PPIL6: variants seen among roughly 807,000 people sequenced by gnomAD.
PPIL6 encodes peptidylprolyl isomerase like 6.
A neutral mutation model predicts 36.8 loss-of-function variants in PPIL6; 39 were observed. The observed-to-expected ratio is 1.06, with a 90% CI of 0.82 to 1.38. PPIL6 has a LOEUF of 1.38. PPIL6 is among the 40% of genes most tolerant of loss of function. The pLI is 0.00. For missense variants in PPIL6, 368 were observed against 379.1 expected, an observed-to-expected ratio of 0.97 and a Z score of 0.24; for synonymous variants, 123 against 134.1, an observed-to-expected ratio of 0.92 and a Z score of 0.57.
intron 6 of PPIL6, among the ~76,000 whole-genome samples, chr6:109,409,193 G>A (rs554894414): frequency 5.8e-4 from 88 of 152,150 alleles, no homozygotes; most frequent in Non-Finnish European, 1.2e-4. Context: ...TCAAAAGACT[G>A]GGTATAGTTC....
At chr6:109,430,886 T>C (rs1774103821) in intron 3 of PPIL6, among the ~76,000 whole-genome samples, 1 of 152,202 alleles carries the variant, frequency 6.6e-6, no homozygotes, top group Non-Finnish European at 1.5e-5. Context: ...CTTTATATTT[T>C]AAAATAGGTA....
chr6:109,400,213 T>C (rs2115199892), intron 6 of PPIL6, 43 bp from the exon 7 acceptor site: 2 of 1,526,662 alleles, frequency 1.3e-6, no homozygotes, highest in East Asian at 4.5e-5. Context: ...ACATTTCTAT[T>C]ATCTCAATTT....
chr6:109,416,971 C>T (rs945773012), intron 6 of PPIL6, among the ~76,000 whole-genome samples: 1 of 151,922 alleles, frequency 6.6e-6, no homozygotes, highest in Non-Finnish European at 1.5e-5. Context: ...AGTTGGAGAC[C>T]AGCTTGGACA....
intron 2 of PPIL6, among the ~76,000 whole-genome samples, chr6:109,434,053 C>T (rs1242625695): frequency 6.6e-6 from 1 of 151,996 alleles, no homozygotes; most frequent in Non-Finnish European, 1.5e-5. Context: ...GACAGTTTTC[C>T]TGTGGGTGGA....
intron 3 of PPIL6, among the ~76,000 whole-genome samples, 157 bp from the exon 4 acceptor site, chr6:109,427,313 G>A (rs972924303): frequency 1.3e-5 from 2 of 152,110 alleles, no homozygotes; most frequent in African/African-American, 2.4e-5. Context: ...TGAATGACTT[G>A]TATTAGTTTA....
chr6:109,405,892 T>A (rs1772780124), intron 6 of PPIL6, among the ~76,000 whole-genome samples: 1 of 152,208 alleles, frequency 6.6e-6, no homozygotes, highest in African/African-American at 2.4e-5. Flanking sequence ...TTCGTGACCA[T>A]TTAACATATG....
At chr6:109,399,773 C>A (rs117115806) in intron 7 of PPIL6, among the ~76,000 whole-genome samples, 1 of 152,120 alleles carries the variant, frequency 6.6e-6, no homozygotes, top group Non-Finnish European at 1.5e-5. Flanking sequence ...AACTCCTGGG[C>A]TCAAGCAATC....
At chr6:109,416,848 G>C (rs1773285385) in intron 6 of PPIL6, among the ~76,000 whole-genome samples, 1 of 151,996 alleles carries the variant, frequency 6.6e-6, no homozygotes, top group Admixed American at 6.6e-5. Context: ...CCACATAAAA[G>C]CTGCATTTTC....
chr6:109,425,335 T>G (rs1385557264), intron 5 of PPIL6, among the ~76,000 whole-genome samples: 1 of 152,224 alleles, frequency 6.6e-6, no homozygotes, highest in African/African-American at 2.4e-5. Context: ...TGCACTTTAC[T>G]ATTTGGAAAT....
At chr6:109,421,225 G>A (rs1019817940) in intron 5 of PPIL6, among the ~76,000 whole-genome samples, 2 of 152,028 alleles carry the variant, frequency 1.3e-5, no homozygotes, top group Admixed American at 6.6e-5. Flanking sequence ...ATTTCAATCC[G>A]TATTTACTAT....
chr6:109,404,881 G>A (rs987140407), intron 6 of PPIL6: 3 of 194,556 alleles, frequency 1.5e-5, no homozygotes, highest in South Asian at 6.3e-5. Context: ...GTGAAACCCC[G>A]TCTCTACTAA....
At chr6:109,430,768 C>T (rs1287544886) in intron 3 of PPIL6, among the ~76,000 whole-genome samples, 1 of 152,184 alleles carries the variant, frequency 6.6e-6, no homozygotes, top group Non-Finnish European at 1.5e-5. Flanking sequence ...AACAACTTTC[C>T]ATTCTCTTAG....
At chr6:109,394,588 GC>G (rs1772222184) in intron 7 of PPIL6, among the ~76,000 whole-genome samples, 2 of 152,100 alleles carry the variant, frequency 1.3e-5, no homozygotes, top group Admixed American at 1.3e-4. Context: ...CATCTCATGA[GC>G]CTTTATAGGA....
intron 2 of PPIL6, among the ~76,000 whole-genome samples, chr6:109,435,296 C>CTTT (rs911840164): frequency 3.0e-5 from 4 of 131,942 alleles, no homozygotes; most frequent in Non-Finnish European, 4.9e-5. Flanking sequence ...AAATGTTGCA[C>CTTT]TTTTTTTTTT....
intron 3 of PPIL6, 41 bp from the exon 4 acceptor site, chr6:109,427,197 C>A: frequency 1.3e-6 from 2 of 1,488,252 alleles, no homozygotes; most frequent in South Asian, 1.2e-5. Context: ...AGGTCAAAGT[C>A]TTACAAGAAA....
rs756363996 is a variant in PPIL6, at chr6:109,426,846, C to T, written c.631+1G>A. The T allele has an allele frequency of 1.3e-6, 2 of 1,506,716 alleles. No individual in the cohort carries two copies. The highest frequency in any genetic ancestry group is 1.4e-5 in the African/African-American group (1 of 72,826). 93.3% of individuals were successfully genotyped at this position (1,506,716 alleles called of 1,614,324 possible). Reference sequence around the variant, plus strand: ...ACTCGTATTTAAGATTTTAAACTTACCCCCTCCTTGTATCCAGCCATTCTG... The same window carrying T: ...ACTCGTATTTAAGATTTTAAACTTATCCCCTCCTTGTATCCAGCCATTCTG... On this transcript the variant is annotated splice_donor_variant, in intron 5 of 7. Coordinates refer to ENST00000521072, the MANE Select transcript of PPIL6 (RefSeq NM_173672.5). LOFTEE classifies it high-confidence loss of function.
chr6:109,426,703 C>T (rs1773829123), intron 5 of PPIL6, 144 bp downstream of exon 5: 2 of 466,972 alleles, frequency 4.3e-6, no homozygotes, highest in African/African-American at 4.0e-5. Context: ...TATCTTACTT[C>T]ATTATTTGGC....
At position 109,392,674 on chromosome 6, in the gene PPIL6, G is replaced by C; in HGVS notation, c.*152C>G. ...AGTCTCTATGACAGAGACAGGAAAG[G>C]AAGATGGGGAGGGATTGGGTGTAGA... On this transcript the variant is annotated 3_prime_UTR_variant, in exon 8 of 8. Transcript: ENST00000521072. 1.7e-6 allele frequency: 1 copy of C among 575,552 alleles called. No individual in the cohort carries two copies. The highest frequency in any genetic ancestry group is 3.1e-6 in the Non-Finnish European group (1 of 327,128). The allele number at this position is 575,552 out of a possible 1,614,324, so 35.7% of individuals were successfully genotyped here.
intron 5 of PPIL6, among the ~76,000 whole-genome samples, chr6:109,424,344 T>C (rs1378173579): frequency 6.6e-6 from 1 of 151,954 alleles, no homozygotes; most frequent in Non-Finnish European, 1.5e-5. Flanking sequence ...CCAGAGGCTG[T>C]GTGTGCAACC....
Sources: gnomAD v4.1 joint callset for allele counts (sites outside exome capture counted in the v4.1 genomes callset) on GRCh38, gnomAD v4.1.1 for gene constraint, MANE v1.5 for transcripts, NCBI Gene and HGNC (gene_info 2026-07-23, HGNC 2026-07-21) for gene names.